ARHGEF4: variants seen among roughly 807,000 people sequenced by gnomAD.
The protein encoded by ARHGEF4 is Rho guanine nucleotide exchange factor 4.
ARHGEF4 carries 119 observed loss-of-function variants against 162.0 expected under a neutral mutation model. That is an observed-to-expected ratio of 0.73 (90% CI 0.63 to 0.86). The LOEUF (loss-of-function observed/expected upper bound fraction) is 0.86, where lower values mean the gene tolerates loss of function less well. ARHGEF4 is among the 40% of genes least tolerant of loss of function. ARHGEF4 has a pLI of 0.00. For missense variants in ARHGEF4, 2,488 were observed against 2,456.0 expected, an observed-to-expected ratio of 1.01 and a Z score of -0.28; for synonymous variants, 1,014 against 979.9, an observed-to-expected ratio of 1.03 and a Z score of -0.65.
intron 1 of ARHGEF4, among the ~76,000 whole-genome samples, chr2:130,904,884 G>T (rs1680717228): frequency 6.6e-6 from 1 of 152,070 alleles, no homozygotes; most frequent in African/African-American, 2.4e-5. Context: ...TTTGAGACCA[G>T]CCTGGCCAAC....
intron 1 of ARHGEF4, among the ~76,000 whole-genome samples, chr2:130,871,810 C>G (rs1678504968): frequency 6.6e-6 from 1 of 152,166 alleles, no homozygotes; most frequent in Non-Finnish European, 1.5e-5. Context: ...AATGAAAAAT[C>G]AAGCACTTTT....
chr2:131,026,416 T>C (rs1047234185), intron 4 of ARHGEF4, among the ~76,000 whole-genome samples: 1 of 152,146 alleles, frequency 6.6e-6, no homozygotes, highest in Admixed American at 6.5e-5. Flanking sequence ...AAAAGGCACC[T>C]TAAAAATAGT....
In ARHGEF4 at chr2:130,965,990, G is replaced by A. The variant is rs117571238; in HGVS notation, c.3985+19355G>A. ...AGGGCAGGGTTTAAAACAACATGAT[G>A]TAGTCAGAGTTGATGTGAGACCCAG... On this transcript the variant is annotated intron_variant, in intron 4 of 13. Coordinates refer to ENST00000409359, the MANE Select transcript of ARHGEF4 (RefSeq NM_001367493.1). Among the ~76,000 whole-genome samples the A allele has an allele frequency of 1.3e-3, 191 of 152,276 alleles. 1 individual carries two copies. The highest frequency in any genetic ancestry group is 9.5e-3 in the Admixed American group (145 of 15,296).
intron 2 of ARHGEF4, among the ~76,000 whole-genome samples, chr2:130,925,962 ATCTT>A (rs1375977637): frequency 6.6e-6 from 1 of 151,696 alleles, no homozygotes; most frequent in African/African-American, 2.4e-5. Flanking sequence ...CTAGTGTTTG[ATCTT>A]TCTTTGCAGT....
intron 2 of ARHGEF4, among the ~76,000 whole-genome samples, chr2:130,922,232 A>C (rs1332475310): frequency 6.6e-6 from 1 of 151,774 alleles, no homozygotes; most frequent in Admixed American, 6.6e-5. Context: ...TTAGCCGGGC[A>C]TGGTGGCGCA....
chr2:130,937,154 T>C (rs953375729), intron 3 of ARHGEF4, among the ~76,000 whole-genome samples: 2 of 151,618 alleles, frequency 1.3e-5, no homozygotes, highest in Non-Finnish European at 1.5e-5. Flanking sequence ...CAGGTGATCT[T>C]CCCCCCTCGG....
At chr2:131,033,134 G>T (rs1689981522) in intron 5 of ARHGEF4, among the ~76,000 whole-genome samples, 2 of 152,130 alleles carry the variant, frequency 1.3e-5, no homozygotes. Flanking sequence ...ATTACAGGTT[G>T]TGAGCCACCA....
intron 13 of ARHGEF4, 120 bp downstream of exon 13, chr2:131,045,566 C>G: frequency 6.2e-7 from 1 of 1,603,964 alleles, no homozygotes; most frequent in Non-Finnish European, 8.5e-7. Context: ...GGCCCACTGC[C>G]CTTTGCAGCT....
chr2:130,992,316 ATTC>A (rs1352202264), intron 4 of ARHGEF4, among the ~76,000 whole-genome samples: 2 of 151,984 alleles, frequency 1.3e-5, no homozygotes, highest in African/African-American at 2.4e-5. Context: ...TGGAAGCTTT[ATTC>A]TTTCGCTCTT....
intron 4 of ARHGEF4, among the ~76,000 whole-genome samples, chr2:130,982,621 TTTTCTTTC>T (rs1686204535): frequency 3.3e-5 from 1 of 30,100 alleles, no homozygotes; most frequent in Non-Finnish European, 2.6e-4. Flanking sequence ...TCCTTTCTTC[TTTTCTTTC>T]TTACCATTTT....
chr2:130,934,096 C>T (rs1232510891), intron 3 of ARHGEF4, among the ~76,000 whole-genome samples: 3 of 152,046 alleles, frequency 2.0e-5, no homozygotes, highest in Non-Finnish European at 2.9e-5. Flanking sequence ...TAAGGAAGTT[C>T]GTTTCTATTT....
intron 3 of ARHGEF4, among the ~76,000 whole-genome samples, chr2:130,939,541 C>CT (rs1205399546): frequency 7.9e-5 from 12 of 152,000 alleles, no homozygotes; most frequent in Non-Finnish European, 7.4e-5. Context: ...CACTATATTT[C>CT]TTTTTTTTCA....
intron 2 of ARHGEF4, among the ~76,000 whole-genome samples, chr2:130,930,724 A>G (rs1176917206): frequency 6.6e-6 from 1 of 152,256 alleles, no homozygotes; most frequent in Admixed American, 6.5e-5. Flanking sequence ...TTTTTTAAAA[A>G]ATACTCTTGA....
At chr2:130,889,370 A>G (rs747260529) in intron 1 of ARHGEF4, among the ~76,000 whole-genome samples, 8 of 152,030 alleles carry the variant, frequency 5.3e-5, no homozygotes, top group East Asian at 1.9e-4. Context: ...GCCCATGTGC[A>G]TATTTATTTA....
At chr2:131,034,840 C>T (rs1269414850) in intron 5 of ARHGEF4, 2 of 284,764 alleles carry the variant, frequency 7.0e-6, no homozygotes, top group Non-Finnish European at 1.1e-5. Flanking sequence ...GCAGCGCACG[C>T]CCGAGCCGCC....
intron 4 of ARHGEF4, among the ~76,000 whole-genome samples, chr2:131,003,897 G>A (rs1185174230): frequency 6.6e-6 from 1 of 152,128 alleles, no homozygotes; most frequent in Non-Finnish European, 1.5e-5. Flanking sequence ...TAACGACCTG[G>A]AAATATTTAT....
intron 4 of ARHGEF4, among the ~76,000 whole-genome samples, chr2:131,002,047 T>A (rs958062223): frequency 2.6e-5 from 4 of 152,202 alleles, no homozygotes; most frequent in African/African-American, 9.7e-5. Context: ...TTTTCTGTAC[T>A]TTTTTGTATG....
chr2:130,995,520 A>T (rs1381715931), intron 4 of ARHGEF4, among the ~76,000 whole-genome samples: 1 of 152,140 alleles, frequency 6.6e-6, no homozygotes, highest in South Asian at 2.1e-4. Context: ...CCTGTTGTGC[A>T]TGTTGCCTCT....
At chr2:130,908,319 TG>T (rs1388818988) in intron 1 of ARHGEF4, among the ~76,000 whole-genome samples, 1 of 152,254 alleles carries the variant, frequency 6.6e-6, no homozygotes, top group Non-Finnish European at 1.5e-5. Context: ...GAAACTTTGC[TG>T]AAGTTGTTTA....
Sources: allele counts gnomAD v4.1 joint callset (sites outside exome capture counted in the v4.1 genomes callset), GRCh38; gene constraint gnomAD v4.1.1; transcripts MANE v1.5; gene names NCBI Gene and HGNC (gene_info 2026-07-23, HGNC 2026-07-21).